MGAM2: variants seen among roughly 807,000 people sequenced by gnomAD.
MGAM2 encodes the protein maltase-glucoamylase 2 (putative).
A neutral mutation model predicts 96.1 loss-of-function variants in MGAM2; 98 were observed. The ratio of observed to expected loss-of-function variants is 1.02; its 90% CI spans 0.87 to 1.21. The LOEUF (loss-of-function observed/expected upper bound fraction) is 1.21. Ranked by LOEUF, MGAM2 falls within the 50% of genes most tolerant of loss-of-function variation. MGAM2 has a pLI of 0.00. For missense variants in MGAM2, 2,055 were observed against 1,182.4 expected, an observed-to-expected ratio of 1.74 and a Z score of -10.82; for synonymous variants, 749 against 414.8, an observed-to-expected ratio of 1.81 and a Z score of -9.79.
chr7:142,200,099 T>C (rs1797177386), intron 45 of MGAM2, 131 bp downstream of exon 45: 1 of 476,348 alleles, frequency 2.1e-6, no homozygotes, highest in African/African-American at 2.0e-5. Flanking sequence ...ATTTGGAGAA[T>C]TTTTCCAACT....
chr7:142,179,358 T>G (rs1796470257), intron 32 of MGAM2, among the ~76,000 whole-genome samples: 1 of 152,178 alleles, frequency 6.6e-6, no homozygotes, highest in Admixed American at 6.5e-5. Context: ...TTTTTTCTCT[T>G]GCCTGATTGC....
intron 15 of MGAM2, among the ~76,000 whole-genome samples, chr7:142,152,423 A>G (rs564292497): frequency 6.6e-6 from 1 of 152,174 alleles, no homozygotes; most frequent in East Asian, 1.9e-4. Context: ...CTCTCCTCCA[A>G]CCTACCCCTA....
chr7:142,130,785 C>G (rs1417857908), intron 3 of MGAM2, among the ~76,000 whole-genome samples, 163 bp from the exon 4 acceptor site: 1 of 152,108 alleles, frequency 6.6e-6, no homozygotes, highest in Non-Finnish European at 1.5e-5. Context: ...ACATATTGGA[C>G]AGTTGGATAG....
chr7:142,217,699 G>T (rs976515314), intron 46 of MGAM2, among the ~76,000 whole-genome samples: 18 of 152,138 alleles, frequency 1.2e-4, no homozygotes, highest in Non-Finnish European at 1.8e-4. Flanking sequence ...TCTTGTGTTT[G>T]CTAACATACT....
chr7:142,156,998 C>A (rs1394890576), intron 17 of MGAM2, among the ~76,000 whole-genome samples: 1 of 152,022 alleles, frequency 6.6e-6, no homozygotes, highest in African/African-American at 2.4e-5. Flanking sequence ...TGCTAAAAAC[C>A]ATCGTCATAA....
intron 6 of MGAM2, among the ~76,000 whole-genome samples, chr7:142,133,140 A>C (rs941561748): frequency 3.6e-5 from 5 of 138,916 alleles, no homozygotes; most frequent in African/African-American, 1.3e-4. Context: ...ATATTTAATA[A>C]ATGTTAATTT....
intron 37 of MGAM2, among the ~76,000 whole-genome samples, chr7:142,194,842 T>C (rs1796982696): frequency 6.6e-6 from 1 of 152,124 alleles, no homozygotes; most frequent in Non-Finnish European, 1.5e-5. Context: ...ATTGACTAAT[T>C]CATCTGTGTC....
rs72092512 is a variant in MGAM2 at position 142,201,071 on chromosome 7, C to CTTTT, written c.5137+1110_5137+1113dup. ...CATTGTTATAAATAACATCCTTTTT[C>CTTTT]TTTTTTTTTTCTTTTTTTTTTTTTT... On this transcript the variant is annotated intron_variant, in intron 45 of 47. Transcript: ENST00000477922. Among the ~76,000 whole-genome samples, 751 of 84,240 alleles carry CTTTT rather than the reference C, an allele frequency of 8.9e-3. 110 individuals are homozygous for CTTTT. The highest frequency in any genetic ancestry group is 0.01 in the Admixed American group (60 of 5,988). 55.3% of individuals were successfully genotyped at this position (84,240 alleles called of 152,430 possible). A position where few individuals can be genotyped will look rare whatever the true frequency, so the allele number is the denominator to read the frequency against.
chr7:142,203,212 T>C (rs926985159), intron 45 of MGAM2, among the ~76,000 whole-genome samples: 16 of 152,176 alleles, frequency 1.1e-4, no homozygotes, highest in African/African-American at 3.9e-4. Context: ...GTGAATACTT[T>C]CTCCTACTCT....
At chr7:142,163,700 A>G (rs541667212) in intron 23 of MGAM2, among the ~76,000 whole-genome samples, 7 of 152,290 alleles carry the variant, frequency 4.6e-5, no homozygotes, top group Admixed American at 3.9e-4. Flanking sequence ...TACCATTTTC[A>G]CTTCCACCAG....
chr7:142,159,486 A>G, intron 20 of MGAM2, 143 bp downstream of exon 20: 1 of 607,898 alleles, frequency 1.6e-6, no homozygotes, highest in South Asian at 1.9e-5. Context: ...TGAGAAAGGC[A>G]TCTTAGTTGG....
chr7:142,148,308 G>A lies in MGAM2; in HGVS notation c.1634+735G>A, dbSNP rs1478904744. On this transcript the variant is annotated intron_variant, in intron 15 of 47. Transcript: ENST00000477922. This position sits in a 1 kb window ranked among gnomAD's most constrained non-coding sequence, Gnocchi z 4.2. ...TATCACCATCACCACCACCCACCAT[G>A]ACCACCATTCACCATCACCATCATA... Among the ~76,000 whole-genome samples the A allele has an allele frequency of 7.0e-6, 1 of 142,844 alleles. No homozygotes were observed. Among genetic ancestry groups the A allele is most frequent in the Non-Finnish European group, 1.5e-5 (1 of 65,738 alleles). 93.7% of individuals were successfully genotyped at this position (142,844 alleles called of 152,430 possible). A position where few individuals can be genotyped will look rare whatever the true frequency, so the allele number is the denominator to read the frequency against.
In MGAM2 at chr7:142,171,250, G is replaced by T. The variant is rs755896422; in HGVS notation, c.3183-22G>T. On this transcript the variant is annotated intron_variant, in intron 27 of 47. Transcript: ENST00000477922. ...TCTGGCCAGTGGTCTCCAGCTCAGC[G>T]TGATCTGCTTTTGTGTTGCAGTTGG... 4.3e-6 allele frequency: 3 copies of T among 701,932 alleles called. No individual in the cohort carries two copies. In the African/African-American group the frequency reaches 5.2e-5, roughly 12 times the overall value. The allele number at this position is 701,932 out of a possible 1,614,324, so 43.5% of individuals were successfully genotyped here. A position where few individuals can be genotyped will look rare whatever the true frequency, so the allele number is the denominator to read the frequency against.
At chr7:142,182,430 C>T (rs1477469005) in intron 32 of MGAM2, among the ~76,000 whole-genome samples, 4 of 152,176 alleles carry the variant, frequency 2.6e-5, no homozygotes, top group Non-Finnish European at 5.9e-5. Context: ...GACAACGCTG[C>T]TGTCTCCCAG....
At chr7:142,123,102 G>T (rs527942020) in intron 3 of MGAM2, among the ~76,000 whole-genome samples, 1 of 151,938 alleles carries the variant, frequency 6.6e-6, no homozygotes, top group African/African-American at 2.4e-5. Context: ...AATTACAGGG[G>T]TGAGCCACCG....
intron 46 of MGAM2, among the ~76,000 whole-genome samples, chr7:142,217,754 G>C (rs1296501795): frequency 6.6e-6 from 1 of 152,136 alleles, no homozygotes; most frequent in Non-Finnish European, 1.5e-5. Flanking sequence ...TTTCAAAATA[G>C]CTAGAAGAGA....
chr7:142,197,488 A>G lies in MGAM2; in HGVS notation c.4721A>G (p.Tyr1574Cys). 1 of 703,086 alleles carries G rather than the reference A, an allele frequency of 1.4e-6. No individual in the cohort carries two copies. The highest frequency in any genetic ancestry group is 2.6e-6 in the Non-Finnish European group (1 of 385,032). 43.6% of individuals were successfully genotyped at this position (703,086 alleles called of 1,614,324 possible). A position where few individuals can be genotyped will look rare whatever the true frequency, so the allele number is the denominator to read the frequency against. ...ETRYTLLPYLYTLMHKAHVEG... is the reference protein window; with the variant it reads ...ETRYTLLPYLCTLMHKAHVEG... ...AGATATACCCTGCTTCCTTATCTCT[A>G]TACTCTGATGCATAAAGCTCACGTT... Residue 1574 changes from tyrosine (Y) to cysteine (C), a missense_variant, in exon 41 of 48, where the codon TAT (tyrosine) becomes TGT (cysteine). Coordinates refer to ENST00000477922, the MANE Select transcript of MGAM2 (RefSeq NM_001293626.2).
chr7:142,125,213 T>C (rs1313859054), intron 3 of MGAM2, among the ~76,000 whole-genome samples: 1 of 152,178 alleles, frequency 6.6e-6, no homozygotes, highest in African/African-American at 2.4e-5. Context: ...AGGAATTTCC[T>C]GGTTTTGGAA....
At chr7:142,115,341 C>A (rs561100354) in intron 1 of MGAM2, among the ~76,000 whole-genome samples, 1 of 152,226 alleles carries the variant, frequency 6.6e-6, no homozygotes, top group South Asian at 2.1e-4. Flanking sequence ...GAGTTACGTG[C>A]GGCAGCACAG....
Sources: gnomAD v4.1 joint callset for allele counts (sites outside exome capture counted in the v4.1 genomes callset) on GRCh38, gnomAD v4.1.1 for gene constraint, Gnocchi (gnomAD v3.1) non-coding constraint, MANE v1.5 for transcripts, NCBI Gene and HGNC (gene_info 2026-07-23, HGNC 2026-07-21) for gene names.